RBM47: variants seen among roughly 807,000 people sequenced by gnomAD.
The protein encoded by RBM47 is RNA binding motif protein 47.
Under a neutral mutation model 47.1 loss-of-function variants are expected in RBM47, and 21 were observed. That is an observed-to-expected ratio of 0.45 (90% CI 0.32 to 0.64). The LOEUF is 0.64. Ranked by LOEUF, RBM47 falls within the 30% of genes least tolerant of loss-of-function variation. RBM47 has a pLI of 0.05. For missense variants in RBM47, 708 were observed against 870.9 expected (o/e 0.81, Z 2.35); for synonymous variants, 375 against 361.7 (o/e 1.04, Z -0.42).
At chr4:40,610,114 C>CAA (rs1190927809) in intron 1 of RBM47, among the ~76,000 whole-genome samples, 1 of 151,524 alleles carries the variant, frequency 6.6e-6, no homozygotes, top group Admixed American at 6.6e-5. Context: ...AACAAACAAA[C>CAA]AAACAAAAAA....
At position 40,483,458 on chromosome 4, in the gene RBM47, G is replaced by A. The variant is rs79524349; in HGVS notation, c.-154-16759C>T. On this transcript the variant is annotated intron_variant, in intron 2 of 6. Transcript: ENST00000295971. ...GATGGGAGCGTTATAACACCCAGGAGAGGACTTCAAGTTCTCCTTGGCTGA... is the reference window on the plus strand; with the variant it reads ...GATGGGAGCGTTATAACACCCAGGAAAGGACTTCAAGTTCTCCTTGGCTGA... Among the ~76,000 whole-genome samples the A allele has an allele frequency of 3.2e-4, 48 of 152,350 alleles. No homozygotes were observed. In the East Asian group the frequency reaches 9.1e-3, roughly 29 times the overall value.
In RBM47 at chr4:40,627,905, AATG is replaced by A. The variant is rs149168569; in HGVS notation, c.-240+1488_-240+1490del. On this transcript the variant is annotated intron_variant, in intron 1 of 6. Transcript: ENST00000295971. The stretch of plus-strand genomic sequence containing the variant: ...TAAAAATATAGAGATTGGTAAAAAA[AATG>A]ATGATGATGAATTCTCAATCCTACA... Among the ~76,000 whole-genome samples the A allele has an allele frequency of 2.2e-3, 340 of 152,358 alleles. 1 individual carries two copies. Among genetic ancestry groups the A allele is most frequent in the African/African-American group, 7.3e-3 (304 of 41,592 alleles).
At chr4:40,581,143 C>T (rs11735215) in intron 1 of RBM47, among the ~76,000 whole-genome samples, 17,547 of 152,026 alleles carry the variant, frequency 0.12, 1,287 homozygotes, top group African/African-American at 0.2. Flanking sequence ...AGGAGAAAGC[C>T]GGGCACGGTG....
At chr4:40,490,917 A>G (rs1454056305) in intron 2 of RBM47, among the ~76,000 whole-genome samples, 1 of 152,170 alleles carries the variant, frequency 6.6e-6, no homozygotes, top group Non-Finnish European at 1.5e-5. Flanking sequence ...TGATAAATGG[A>G]TACTAAAATT....
chr4:40,610,279 A>C (rs1037510049), intron 1 of RBM47, among the ~76,000 whole-genome samples: 12 of 152,088 alleles, frequency 7.9e-5, no homozygotes, highest in Admixed American at 4.6e-4. Context: ...AGTACTTCAT[A>C]GTTTTCTTAT....
At position 40,432,765 on chromosome 4, in the gene RBM47, C is replaced by A; in HGVS notation, c.1428G>T (p.Met476Ile). ...EDGKIHTVEH[M>I]ISPIAVQPDP... ...CTGGCTGCACAGCAATGGGGCTGAT[C>A]ATGTGCTCCACTGTGTGGATTTTGC... The change falls in exon 6 of 7, where the codon ATG becomes ATT. Residue 476 changes from methionine to isoleucine, a missense_variant. Met to Ile is a conservative substitution (Grantham distance 10). Coordinates refer to ENST00000295971, the MANE Select transcript of RBM47 (RefSeq NM_001098634.2). 6.2e-7 allele frequency: 1 copy of A among 1,613,446 alleles called. No individual in the cohort carries two copies. The highest frequency in any genetic ancestry group is 8.5e-7 in the Non-Finnish European group (1 of 1,179,874).
intron 2 of RBM47, among the ~76,000 whole-genome samples, chr4:40,508,642 GC>G (rs968616320): frequency 6.6e-6 from 1 of 152,182 alleles, no homozygotes; most frequent in Non-Finnish European, 1.5e-5. Context: ...AGTAAGAATA[GC>G]CAAAGGTAAT....
At chr4:40,502,855 G>T (rs1577820098) in intron 2 of RBM47, among the ~76,000 whole-genome samples, 1 of 151,674 alleles carries the variant, frequency 6.6e-6, no homozygotes, top group African/African-American at 2.4e-5. Context: ...CGAAAAAAAA[G>T]ACGGCTGGGC....
chr4:40,451,296 G>A (rs545808898), intron 3 of RBM47, among the ~76,000 whole-genome samples: 1 of 151,720 alleles, frequency 6.6e-6, no homozygotes, highest in African/African-American at 2.4e-5. Flanking sequence ...ATTTAATTTG[G>A]TTGAAACACT....
chr4:40,598,436 G>C (rs1337627899), intron 1 of RBM47, among the ~76,000 whole-genome samples: 6 of 152,046 alleles, frequency 3.9e-5, no homozygotes, highest in Admixed American at 3.3e-4. Flanking sequence ...TTTGTAGAGA[G>C]AGGGTTTTGC....
intron 2 of RBM47, among the ~76,000 whole-genome samples, chr4:40,520,261 G>T (rs372251567): frequency 2.6e-5 from 4 of 152,200 alleles, no homozygotes; most frequent in African/African-American, 9.7e-5. Flanking sequence ...AGAAAGGACT[G>T]TGCCTTCTGT....
intron 2 of RBM47, among the ~76,000 whole-genome samples, chr4:40,498,985 C>T (rs1207570315): frequency 2.0e-5 from 3 of 151,910 alleles, no homozygotes; most frequent in East Asian, 1.9e-4. Flanking sequence ...GCAGAGGTTG[C>T]GGTGAGCCAA....
rs539853679 is a variant in RBM47, at chr4:40,509,102, G to A, written c.-155+35320C>T. 6.6e-5 allele frequency among the ~76,000 whole-genome samples: 10 copies of A among 152,150 alleles called. No individual in the cohort carries two copies. The East Asian group carries it at 1.9e-3, about 29-fold the overall frequency. On this transcript the variant is annotated intron_variant, in intron 2 of 6. Coordinates refer to ENST00000295971, the MANE Select transcript of RBM47 (RefSeq NM_001098634.2). The stretch of plus-strand genomic sequence containing the variant: ...TTGAATCTGGGAAGCTGAGGTTGTA[G>A]TGAGCCGAGATTGTGCCACTGCACT...
At chr4:40,539,514 G>T (rs753225597) in intron 2 of RBM47, among the ~76,000 whole-genome samples, 1 of 151,988 alleles carries the variant, frequency 6.6e-6, no homozygotes. Flanking sequence ...GCCGAGGCAG[G>T]TGGATCACCT....
At chr4:40,479,213 C>T (rs77747680) in intron 2 of RBM47, among the ~76,000 whole-genome samples, 2,094 of 152,296 alleles carry the variant, frequency 0.014, 53 homozygotes, top group African/African-American at 0.048. Context: ...TCAACAGTCA[C>T]AGAGAAGGAA....
intron 1 of RBM47, among the ~76,000 whole-genome samples, chr4:40,575,552 C>CAAAAAAAAAAAAAAAAA (rs33963787): frequency 1.5e-4 from 15 of 98,332 alleles, no homozygotes; most frequent in African/African-American, 2.1e-4. Context: ...AACTCCATCT[C>CAAAAAAAAAAAAAAAAA]AAAAAAAAAA....
intron 2 of RBM47, among the ~76,000 whole-genome samples, chr4:40,504,290 CTTTT>C (rs35482960): frequency 1.6e-5 from 2 of 128,252 alleles, no homozygotes; most frequent in Non-Finnish European, 1.6e-5. Context: ...TTGTTTCCTT[CTTTT>C]TTTTTTTTTT....
At chr4:40,600,611 G>T (rs929023005) in intron 1 of RBM47, among the ~76,000 whole-genome samples, 1 of 147,220 alleles carries the variant, frequency 6.8e-6, no homozygotes, top group African/African-American at 2.5e-5. Flanking sequence ...TCCAGCCTGG[G>T]CGACAGAGCG....
intron 1 of RBM47, among the ~76,000 whole-genome samples, chr4:40,602,171 A>G: frequency 6.6e-6 from 1 of 151,786 alleles, no homozygotes; most frequent in African/African-American, 2.4e-5. Flanking sequence ...GCAAGACTCC[A>G]TCGAGAAAAA....
Sources: gnomAD v4.1 joint callset for allele counts (sites outside exome capture counted in the v4.1 genomes callset) on GRCh38, gnomAD v4.1.1 for gene constraint, MANE v1.5 for transcripts, NCBI Gene and HGNC (gene_info 2026-07-23, HGNC 2026-07-21) for gene names.